Variants in ADAMTS12 observed in about 807,000 individuals in gnomAD.
The protein encoded by ADAMTS12 is A disintegrin and metalloproteinase with thrombospondin motifs 12.
A neutral mutation model predicts 167.8 loss-of-function variants in ADAMTS12; 118 were observed. The observed-to-expected ratio is 0.70, with a 90% CI of 0.61 to 0.82. The LOEUF (loss-of-function observed/expected upper bound fraction) is 0.82. ADAMTS12 is among the 40% of genes least tolerant of loss of function. ADAMTS12 has a pLI of 0.00. For missense variants in ADAMTS12, 1,916 were observed against 1,998.8 expected (o/e 0.96, Z 0.79); for synonymous variants, 704 against 716.9 (o/e 0.98, Z 0.29).
At chr5:33,852,879 A>G (rs1422108912) in intron 2 of ADAMTS12, among the ~76,000 whole-genome samples, 1 of 152,228 alleles carries the variant, frequency 6.6e-6, no homozygotes, top group Admixed American at 6.5e-5. Flanking sequence ...AACAGACAGG[A>G]TGGCTGCAGT....
At chr5:33,751,880 AT>A (rs779250580) in intron 2 of ADAMTS12, among the ~76,000 whole-genome samples, 20 of 152,350 alleles carry the variant, frequency 1.3e-4, no homozygotes, top group Admixed American at 2.6e-4. Flanking sequence ...TGGATCCCAA[AT>A]GAAGACCCAG....
intron 19 of ADAMTS12, among the ~76,000 whole-genome samples, chr5:33,568,944 C>A (rs1211094600): frequency 6.6e-6 from 1 of 152,256 alleles, no homozygotes; most frequent in Non-Finnish European, 1.5e-5. Flanking sequence ...GGGATTATAT[C>A]CCGTACCTGC....
intron 1 of ADAMTS12, among the ~76,000 whole-genome samples, chr5:33,884,572 G>C (rs973445556): frequency 7.2e-5 from 11 of 152,256 alleles, no homozygotes; most frequent in Middle Eastern, 3.4e-3. Flanking sequence ...GCACAGTAGG[G>C]GGGATGAATG....
chr5:33,793,935 C>T (rs192621614), intron 2 of ADAMTS12, among the ~76,000 whole-genome samples: 1 of 152,302 alleles, frequency 6.6e-6, no homozygotes, highest in Non-Finnish European at 1.5e-5. Flanking sequence ...AAGTTCTGGT[C>T]AGGAGGCTTC....
chr5:33,633,514 T>C (rs1425046297), intron 12 of ADAMTS12, among the ~76,000 whole-genome samples: 7 of 151,974 alleles, frequency 4.6e-5, no homozygotes, highest in Non-Finnish European at 7.4e-5. Flanking sequence ...CCCACCACCA[T>C]GACCTATAGG....
At chr5:33,645,144 TTTATTATTATTA>T (rs145012036) in intron 9 of ADAMTS12, among the ~76,000 whole-genome samples, 3,371 of 146,056 alleles carry the variant, frequency 0.023, 118 homozygotes, top group African/African-American at 0.073. Context: ...AAATGCTTTA[TTTATTATTATTA>T]TTATTATTAT....
intron 2 of ADAMTS12, among the ~76,000 whole-genome samples, chr5:33,802,357 G>A (rs750650274): frequency 5.9e-5 from 9 of 152,110 alleles, no homozygotes; most frequent in Non-Finnish European, 1.2e-4. Context: ...AGCTAAGCTG[G>A]GCCAAGTACA....
chr5:33,671,532 T>C lies in ADAMTS12; in HGVS notation c.916-9492A>G, dbSNP rs76885225. ...AATACAAAAACACCTTAAAAATAACTGGTCTGAACCAAGGCTGGAGGGTTG... is the reference window on the plus strand; with the variant it reads ...AATACAAAAACACCTTAAAAATAACCGGTCTGAACCAAGGCTGGAGGGTTG... On this transcript the variant is annotated intron_variant, in intron 5 of 23. Coordinates refer to ENST00000504830, the MANE Select transcript of ADAMTS12 (RefSeq NM_030955.4). Among the ~76,000 whole-genome samples, 21 of 152,298 alleles carry C rather than the reference T, an allele frequency of 1.4e-4. No individual in the cohort carries two copies. In the East Asian group the frequency reaches 3.9e-3, roughly 28 times the overall value.
intron 13 of ADAMTS12, among the ~76,000 whole-genome samples, chr5:33,625,781 A>C (rs1453814164): frequency 6.6e-6 from 1 of 152,212 alleles, no homozygotes; most frequent in Non-Finnish European, 1.5e-5. Flanking sequence ...GCAGAGACTC[A>C]CCCAATTTAG....
chr5:33,862,952 T>G (rs1258644902), intron 2 of ADAMTS12, among the ~76,000 whole-genome samples: 1 of 152,094 alleles, frequency 6.6e-6, no homozygotes, highest in Non-Finnish European at 1.5e-5. Context: ...CACATGATTA[T>G]CTCAATAGAT....
chr5:33,604,518 A>AG (rs1738340490), intron 16 of ADAMTS12, among the ~76,000 whole-genome samples: 1 of 146,324 alleles, frequency 6.8e-6, no homozygotes, highest in Admixed American at 6.7e-5. Flanking sequence ...AAAAAAAAAG[A>AG]AAAGAAAAGA....
chr5:33,854,675 T>G (rs761389863), intron 2 of ADAMTS12, among the ~76,000 whole-genome samples: 1 of 151,958 alleles, frequency 6.6e-6, no homozygotes. Context: ...AAAATAAACC[T>G]GATGAACTGA....
At chr5:33,731,276 C>T (rs1459098755) in intron 3 of ADAMTS12, among the ~76,000 whole-genome samples, 1 of 148,752 alleles carries the variant, frequency 6.7e-6, no homozygotes, top group South Asian at 2.2e-4. Flanking sequence ...ACCTCAGCCT[C>T]CCGGGTTCCA....
chr5:33,888,909 T>C (rs1750744273), intron 1 of ADAMTS12, among the ~76,000 whole-genome samples: 1 of 152,216 alleles, frequency 6.6e-6, no homozygotes, highest in Admixed American at 6.5e-5. Flanking sequence ...ATAGCCTGTT[T>C]CTATGTTTCT....
At position 33,665,962 on chromosome 5, in the gene ADAMTS12, G is replaced by A. The variant is rs1741448977; in HGVS notation, c.916-3922C>T. 2.0e-5 allele frequency among the ~76,000 whole-genome samples: 3 copies of A among 152,314 alleles called. No individual in the cohort carries two copies. The South Asian group carries it at 6.2e-4, about 32-fold the overall frequency. ...TCTCCATAGGGCATATGCCATAAAT[G>A]ACTTTGTAACTTTACTTCATCCTCT... On this transcript the variant is annotated intron_variant, in intron 5 of 23. Transcript: ENST00000504830.
At chr5:33,889,379 A>G (rs527603287) in intron 1 of ADAMTS12, among the ~76,000 whole-genome samples, 1 of 152,356 alleles carries the variant, frequency 6.6e-6, no homozygotes, top group African/African-American at 2.4e-5. Context: ...AATGCATTCA[A>G]AAATGCTATC....
chr5:33,838,227 A>G lies in ADAMTS12; in HGVS notation c.489+42892T>C, dbSNP rs180957381. Among the ~76,000 whole-genome samples the G allele has an allele frequency of 1.4e-4, 22 of 152,380 alleles. No individual in the cohort carries two copies. The East Asian group carries it at 3.9e-3, about 27-fold the overall frequency. Reference sequence around the variant, plus strand: ...GAGCTGAAAGGACTAAAGACATTCAATAACAAGAACCACATCAGTTATATA... The same window carrying G: ...GAGCTGAAAGGACTAAAGACATTCAGTAACAAGAACCACATCAGTTATATA... On this transcript the variant is annotated intron_variant, in intron 2 of 23. Transcript: ENST00000504830.
intron 2 of ADAMTS12, among the ~76,000 whole-genome samples, chr5:33,787,010 G>A (rs1746350319): frequency 7.7e-6 from 1 of 130,110 alleles, no homozygotes; most frequent in Non-Finnish European, 1.6e-5. Context: ...CTACATATTA[G>A]TCATGAAATA....
At chr5:33,802,941 T>G (rs887159250) in intron 2 of ADAMTS12, among the ~76,000 whole-genome samples, 6 of 152,150 alleles carry the variant, frequency 3.9e-5, no homozygotes, top group East Asian at 3.8e-4. Flanking sequence ...GCCAGACAAT[T>G]AACTAGGTAC....
Sources: allele counts gnomAD v4.1 joint callset (sites outside exome capture counted in the v4.1 genomes callset), GRCh38; gene constraint gnomAD v4.1.1; transcripts MANE v1.5; gene names NCBI Gene and HGNC (gene_info 2026-07-23, HGNC 2026-07-21).